TAFA2: variants seen among roughly 807,000 people sequenced by gnomAD.
The protein encoded by TAFA2 is TAFA chemokine like family member 2.
A neutral mutation model predicts 18.8 loss-of-function variants in TAFA2; 7 were observed. The ratio of observed to expected loss-of-function variants is 0.37; its 90% CI spans 0.21 to 0.70. The LOEUF (loss-of-function observed/expected upper bound fraction) is 0.70, where lower values mean the gene tolerates loss of function less well. TAFA2 is among the 30% of genes least tolerant of loss of function. TAFA2 has a pLI of 0.53. For synonymous variants in TAFA2, 60 were observed against 54.2 expected (o/e 1.11, Z -0.47); for missense variants, 122 against 158.1 (o/e 0.77, Z 1.23).
chr12:61,974,617 T>C (rs976028659), intron 1 of TAFA2, among the ~76,000 whole-genome samples: 11 of 151,780 alleles, frequency 7.2e-5, no homozygotes, highest in Non-Finnish European at 1.6e-4. Flanking sequence ...AAAAGTGCAA[T>C]TTACACTGTT....
chr12:62,034,874 T>G (rs1407245440), intron 1 of TAFA2, among the ~76,000 whole-genome samples: 1 of 152,138 alleles, frequency 6.6e-6, no homozygotes, highest in Non-Finnish European at 1.5e-5. Flanking sequence ...TTTTTAAAAA[T>G]CAAACAATGT....
chr12:61,802,289 C>A (rs925827920), intron 2 of TAFA2, among the ~76,000 whole-genome samples: 6 of 151,878 alleles, frequency 4.0e-5, no homozygotes, highest in African/African-American at 7.2e-5. Flanking sequence ...ATCAGTATAT[C>A]AAAGAGATAT....
At chr12:61,745,737 C>A (rs1278924989) in intron 4 of TAFA2, among the ~76,000 whole-genome samples, 4 of 152,054 alleles carry the variant, frequency 2.6e-5, no homozygotes, top group African/African-American at 9.7e-5. Context: ...TACAGAGATT[C>A]TGCAGATGTA....
At chr12:61,819,206 G>C in intron 2 of TAFA2, among the ~76,000 whole-genome samples, 1 of 152,172 alleles carries the variant, frequency 6.6e-6, no homozygotes, top group East Asian at 1.9e-4. Flanking sequence ...GAGAGAAACA[G>C]AGAAGGTAGC....
chr12:61,870,190 C>T (rs1387930368), intron 1 of TAFA2, among the ~76,000 whole-genome samples: 1 of 152,190 alleles, frequency 6.6e-6, no homozygotes, highest in East Asian at 1.9e-4. Context: ...CATCGTCACT[C>T]CTGTCCAGTT....
At chr12:62,026,507 T>A (rs144437414) in intron 1 of TAFA2, among the ~76,000 whole-genome samples, 1 of 152,260 alleles carries the variant, frequency 6.6e-6, no homozygotes, top group East Asian at 1.9e-4. Flanking sequence ...TCTGATTCTC[T>A]TTCCGACTCC....
intron 4 of TAFA2, among the ~76,000 whole-genome samples, chr12:61,734,540 T>A (rs1868272858): frequency 6.6e-6 from 1 of 151,942 alleles, no homozygotes; most frequent in Admixed American, 6.6e-5. Context: ...AAAACTAAAC[T>A]AATATTTGAA....
intron 1 of TAFA2, among the ~76,000 whole-genome samples, chr12:61,876,527 C>G (rs913759554): frequency 6.6e-6 from 1 of 152,088 alleles, no homozygotes; most frequent in African/African-American, 2.4e-5. Flanking sequence ...AACAGCTTAA[C>G]CAGCAAACCA....
chr12:62,113,843 C>A (rs1022684578), intron 1 of TAFA2, among the ~76,000 whole-genome samples: 2 of 152,218 alleles, frequency 1.3e-5, no homozygotes, highest in Admixed American at 6.5e-5. Context: ...GCCCCTCCCC[C>A]AACCAAGCTC....
At chr12:62,186,846 AG>A (rs2062589370) in intron 1 of TAFA2, among the ~76,000 whole-genome samples, 1 of 152,208 alleles carries the variant, frequency 6.6e-6, no homozygotes, top group Non-Finnish European at 1.5e-5. Flanking sequence ...TCTGATTTCA[AG>A]TAAACTAGAA....
chr12:61,897,299 T>A (rs780096458), intron 1 of TAFA2, among the ~76,000 whole-genome samples: 2 of 152,218 alleles, frequency 1.3e-5, no homozygotes, highest in Non-Finnish European at 2.9e-5. Context: ...GACATTATAC[T>A]ATGTGCAATT....
chr12:62,087,135 G>A (rs1319347841), intron 1 of TAFA2, among the ~76,000 whole-genome samples: 1 of 152,044 alleles, frequency 6.6e-6, no homozygotes, highest in Non-Finnish European at 1.5e-5. Context: ...CCAGGAGCTG[G>A]GTGAAAGAGA....
chr12:61,739,251 C>A (rs566221970), intron 4 of TAFA2, among the ~76,000 whole-genome samples: 2 of 151,902 alleles, frequency 1.3e-5, no homozygotes, highest in Non-Finnish European at 2.9e-5. Context: ...TTGAAGGCAC[C>A]AGCAGTGCTC....
intron 1 of TAFA2, among the ~76,000 whole-genome samples, chr12:62,028,032 A>G (rs1176478164): frequency 6.6e-6 from 1 of 152,160 alleles, no homozygotes; most frequent in Non-Finnish European, 1.5e-5. Flanking sequence ...CTCATCTGCT[A>G]TAGAGGTAAG....
chr12:61,847,936 T>C (rs185418299), intron 2 of TAFA2, among the ~76,000 whole-genome samples: 3 of 152,310 alleles, frequency 2.0e-5, no homozygotes, highest in Admixed American at 1.3e-4. Context: ...TCCTGAATTC[T>C]CTATTAGTGG....
intron 4 of TAFA2, among the ~76,000 whole-genome samples, chr12:61,739,999 T>C (rs928559239): frequency 3.9e-5 from 6 of 152,038 alleles, no homozygotes; most frequent in East Asian, 1.9e-4. Context: ...CCTTTTCAAA[T>C]ATAGAGTATT....
At chr12:62,115,854 A>G (rs1353701854) in intron 1 of TAFA2, among the ~76,000 whole-genome samples, 5 of 152,184 alleles carry the variant, frequency 3.3e-5, no homozygotes, top group Admixed American at 2.0e-4. Context: ...GACCATCCAC[A>G]TTAGCCCCAT....
chr12:62,233,166 C>T (rs1316806405), intron 1 of TAFA2, among the ~76,000 whole-genome samples: 2 of 146,680 alleles, frequency 1.4e-5, no homozygotes, highest in African/African-American at 2.5e-5. Flanking sequence ...CTACAACCTC[C>T]GCCTCCCACG....
intron 2 of TAFA2, among the ~76,000 whole-genome samples, chr12:61,827,516 G>A (rs717271): frequency 0.29 from 43,785 of 151,742 alleles, 6,901 homozygotes; most frequent in South Asian, 0.39. Context: ...TCTCAGAGCC[G>A]GAAAAGGGTT....
Sources: allele counts gnomAD v4.1 joint callset (sites outside exome capture counted in the v4.1 genomes callset), GRCh38; gene constraint gnomAD v4.1.1; transcripts MANE v1.5; gene names NCBI Gene and HGNC (gene_info 2026-07-23, HGNC 2026-07-21).